The following LMBR1L variants were observed in gnomAD, a reference collection of about 807,000 sequenced individuals.
The protein encoded by LMBR1L is protein LMBR1L.
Under a neutral mutation model 67.3 loss-of-function variants are expected in LMBR1L, and 47 were observed. The ratio of observed to expected loss-of-function variants is 0.70; its 90% confidence interval spans 0.55 to 0.89. The LOEUF is 0.89. Ranked by LOEUF, LMBR1L falls within the 40% of genes least tolerant of loss-of-function variation. LMBR1L has a pLI of 0.00. For synonymous variants in LMBR1L, 247 were observed against 250.3 expected, an observed-to-expected ratio of 0.99 and a Z score of 0.13; for missense variants, 533 against 599.2, an observed-to-expected ratio of 0.89 and a Z score of 1.15.
At chr12:49,109,198 C>G (rs764368820) in intron 1 of LMBR1L, among the ~76,000 whole-genome samples, 4 of 152,136 alleles carry the variant, frequency 2.6e-5, no homozygotes, top group Admixed American at 1.3e-4. Flanking sequence ...GCTCATGGGA[C>G]TAAAGGATTA....
rs541298805 is a variant in LMBR1L, at chr12:49,100,396, C to G, written c.1232G>C (p.Arg411Pro). The G allele has an allele frequency of 6.2e-7, 1 of 1,612,896 alleles. No homozygotes were observed. The highest frequency in any genetic ancestry group is 8.5e-7 in the Non-Finnish European group (1 of 1,178,972). ...VLSSALPVFS[R>P]TLGLTRFDLL... Reference sequence around the variant, plus strand: ...CTCCTTTCAATACTTACCCAGGGTTCGAGAGAAGACAGGAAGTGCTGAGCT... The same window carrying G: ...CTCCTTTCAATACTTACCCAGGGTTGGAGAGAAGACAGGAAGTGCTGAGCT... Residue 411 changes from arginine to proline, a missense_variant, in exon 15 of 17, where the codon CGA (arginine) becomes CCA (proline). Arg to Pro is a moderately radical substitution (Grantham distance 103). This residue lies in a region of LMBR1L where 223 missense variants were observed against 241.2 expected (regional missense o/e 0.92). Coordinates refer to ENST00000267102, the MANE Select transcript of LMBR1L (RefSeq NM_018113.4).
chr12:49,106,776 C>T, intron 2 of LMBR1L, 185 bp downstream of exon 2: 1 of 832,002 alleles, frequency 1.2e-6, no homozygotes, highest in Non-Finnish European at 2.0e-6. Context: ...TATGACTTGC[C>T]CAGCAGACAC....
chr12:49,108,708 T>TG (rs1941212849), intron 1 of LMBR1L, among the ~76,000 whole-genome samples: 2 of 152,078 alleles, frequency 1.3e-5, no homozygotes, highest in African/African-American at 4.8e-5. Context: ...CACTCCAGCC[T>TG]GGGCGACAGA....
In LMBR1L at chr12:49,097,711, G is replaced by A. The variant is rs544910447; in HGVS notation, c.1431C>T (p.Ser477=). 1.5e-5 allele frequency: 25 copies of A among 1,613,938 alleles called. No individual in the cohort carries two copies. Among genetic ancestry groups the A allele is most frequent in the South Asian group, 9.9e-5 (9 of 91,064 alleles). The change falls in exon 17 of 17, where the codon TCC becomes TCT. Residue 477 remains serine, a synonymous_variant. Coordinates refer to ENST00000267102, the MANE Select transcript of LMBR1L (RefSeq NM_018113.4). ...FGLDRLPLPV[S]GFPQASRKTQ... Reference sequence around the variant, plus strand: ...TCTTCCTAGATGCCTGGGGGAAACCGGAGACGGGCAGCGGCAGTCTGTCCA... The same window carrying A: ...TCTTCCTAGATGCCTGGGGGAAACCAGAGACGGGCAGCGGCAGTCTGTCCA...
At position 49,104,469 on chromosome 12, in the gene LMBR1L, C is replaced by T. The variant is rs148939120; in HGVS notation, c.414G>A (p.Glu138=). 6.2e-7 allele frequency: 1 copy of T among 1,613,354 alleles called. No homozygotes were observed. Among genetic ancestry groups the T allele is most frequent in the African/African-American group, 1.3e-5 (1 of 75,020 alleles). The change falls in exon 5 of 17, where the codon GAG becomes GAA. Residue 138 remains glutamate, a synonymous_variant. Coordinates refer to ENST00000267102, the MANE Select transcript of LMBR1L (RefSeq NM_018113.4). ...TTACCTTTCTGGAGCCAGCAAAGCCCTCAGACTCAGTGAAGAAATATGCAA... is the reference window on the plus strand; with the variant it reads ...TTACCTTTCTGGAGCCAGCAAAGCCTTCAGACTCAGTGAAGAAATATGCAA... ...MPFAYFFTES[E]GFAGSRKGVL...
At chr12:49,101,618 G>T in intron 11 of LMBR1L, 69 bp from the exon 12 acceptor site, 2 of 1,136,346 alleles carry the variant, frequency 1.8e-6, no homozygotes, top group Non-Finnish European at 2.6e-6. Flanking sequence ...AAAGGAATGG[G>T]CAGACTCTGG....
intron 5 of LMBR1L, 132 bp downstream of exon 5, chr12:49,104,316 C>T: frequency 1.4e-6 from 1 of 731,486 alleles, no homozygotes; most frequent in Non-Finnish European, 2.4e-6. Flanking sequence ...GTGGTAATGA[C>T]TTCCTACTGT....
chr12:49,106,207 C>T (rs1647570876), intron 2 of LMBR1L: 1 of 547,920 alleles, frequency 1.8e-6, no homozygotes, highest in African/African-American at 1.9e-5. Flanking sequence ...TTTACTCCTC[C>T]CTAGATCTCT....
rs946659716 is a variant in LMBR1L at position 49,102,380 on chromosome 12, A to C, written c.770-4T>G. 2 of 1,614,022 alleles carry C rather than the reference A, an allele frequency of 1.2e-6. No homozygotes were observed. The highest frequency in any genetic ancestry group is 2.7e-5 in the African/African-American group (2 of 74,920). ...GGCAGCCAGCAGGAAGTAGGATCTG[A>C]GGGCAGAGAAGATGGTGTTGCTCTC... is the stretch of plus-strand genomic sequence containing the variant. On this transcript the variant is annotated splice_region_variant and splice_polypyrimidine_tract_variant and intron_variant, in intron 9 of 16. Coordinates refer to ENST00000267102, the MANE Select transcript of LMBR1L (RefSeq NM_018113.4).
chr12:49,099,090 C>T (rs1414543568), intron 15 of LMBR1L, among the ~76,000 whole-genome samples: 2 of 147,310 alleles, frequency 1.4e-5, no homozygotes, highest in Non-Finnish European at 1.5e-5. Flanking sequence ...GCTAGGATTA[C>T]AGGCGTGAAC....
At position 49,097,697 on chromosome 12, in the gene LMBR1L, G is replaced by A. The variant is rs1379624926; in HGVS notation, c.1445C>T (p.Ala482Val). The A allele has an allele frequency of 6.2e-7, 1 of 1,613,864 alleles. No individual in the cohort carries two copies. The highest frequency in any genetic ancestry group is 1.1e-5 in the South Asian group (1 of 91,058). Reference protein sequence around the residue: ...LPLPVSGFPQASRKTQHQ With the variant: ...LPLPVSGFPQVSRKTQHQ ...TCACTGGTGCTGGGTCTTCCTAGAT[G>A]CCTGGGGGAAACCGGAGACGGGCAG... The change falls in exon 17 of 17, where the codon GCA (alanine) becomes GTA (valine). Residue 482 changes from alanine (A) to valine (V), a missense_variant. Coordinates refer to ENST00000267102, the MANE Select transcript of LMBR1L (RefSeq NM_018113.4).
In LMBR1L at chr12:49,100,618, A is replaced by C. The variant is rs757123145; in HGVS notation, c.1111T>G (p.Phe371Val). Residue 371 changes from phenylalanine (F) to valine (V), a missense_variant, in exon 14 of 17, where the codon TTC (phenylalanine) becomes GTC (valine). Transcript: ENST00000267102. ...CTCCGGAAGAGTGGAGAGCTATAGA[A>C]GCCCACAACTGAGGACACCATTAGG... ...FYLMVSSVVG[F>V]YSSPLFRSLR... 8.7e-6 allele frequency: 14 copies of C among 1,614,014 alleles called. 1 individual carries two copies. In the Admixed American group the frequency reaches 2.2e-4, roughly 25 times the overall value.
intron 4 of LMBR1L, 55 bp downstream of exon 4, chr12:49,104,691 C>A (rs1565594611): frequency 6.2e-7 from 1 of 1,608,826 alleles, no homozygotes; most frequent in Admixed American, 1.7e-5. Context: ...CCACCCAACT[C>A]TATCTGCTCT....
In LMBR1L at chr12:49,104,730, TCCAGGAGCCACACA is replaced by T. The variant is rs1940674388; in HGVS notation, c.331+2_331+15del. 1 of 1,612,976 alleles carries T rather than the reference TCCAGGAGCCACACA, an allele frequency of 6.2e-7. No individual in the cohort carries two copies. The highest frequency in any genetic ancestry group is 1.1e-5 in the South Asian group (1 of 90,906). On this transcript the variant is annotated splice_donor_variant and splice_donor_5th_base_variant and intron_variant, in intron 4 of 16. Coordinates refer to ENST00000267102, the MANE Select transcript of LMBR1L (RefSeq NM_018113.4). LOFTEE classifies it high-confidence loss of function. Reference sequence around the variant, plus strand: ...CTCCCTATCCCTACCCCAAGCAGCTTCCAGGAGCCACACACCATGGATGAGGGAGCCGTTGAGCC... The same window carrying T: ...CTCCCTATCCCTACCCCAAGCAGCTTCCATGGATGAGGGAGCCGTTGAGCC...
Position 49,104,783 on chromosome 12 carries a change from G to C in LMBR1L, c.294C>G (p.Asn98Lys). 3 of 1,613,844 alleles carry C rather than the reference G, an allele frequency of 1.9e-6. No individual in the cohort carries two copies. Among genetic ancestry groups the C allele is most frequent in the Non-Finnish European group, 2.5e-6 (3 of 1,179,914 alleles). ...SNEVLLSLPR[N>K]YYIQWLNGSL... ...AGCCGTTGAGCCACTGGATGTAGTA[G>C]TTCCGAGGCAGGGAGAGCAGCACCT... Residue 98 changes from asparagine to lysine, a missense_variant, in exon 4 of 17, where the codon AAC (asparagine) becomes AAG (lysine). Transcript: ENST00000267102.
intron 3 of LMBR1L, 124 bp from the exon 4 acceptor site, chr12:49,105,009 A>C: frequency 9.2e-7 from 1 of 1,090,598 alleles, no homozygotes; most frequent in Non-Finnish European, 1.3e-6. Context: ...CACAGAGCTA[A>C]GGAAGGAGCT....
Position 49,097,653 on chromosome 12 carries a change from T to A in LMBR1L, c.*19A>T. On this transcript the variant is annotated 3_prime_UTR_variant, in exon 17 of 17. Coordinates refer to ENST00000267102, the MANE Select transcript of LMBR1L (RefSeq NM_018113.4). Reference sequence around the variant, plus strand: ...AGATGGCAGTGTCCAGTTTTTTCCTTCCCACCCCCAGCTGGAGGTCACTGG... The same window carrying A: ...AGATGGCAGTGTCCAGTTTTTTCCTACCCACCCCCAGCTGGAGGTCACTGG... 1 of 1,612,312 alleles carries A rather than the reference T, an allele frequency of 6.2e-7. No homozygotes were observed. Among genetic ancestry groups the A allele is most frequent in the Non-Finnish European group, 8.5e-7 (1 of 1,179,586 alleles).
At chr12:49,106,538 C>T in intron 2 of LMBR1L, 4 of 1,302,936 alleles carry the variant, frequency 3.1e-6, no homozygotes, top group Non-Finnish European at 4.1e-6. Flanking sequence ...AGAAAGGCCA[C>T]CATCACCAGG....
intron 14 of LMBR1L, 23 bp downstream of exon 14, chr12:49,100,533 T>C: frequency 6.2e-7 from 1 of 1,611,288 alleles, no homozygotes; most frequent in Non-Finnish European, 8.5e-7. Context: ...CCCCGGGAGC[T>C]TCCCTTACTC....
Sources: gnomAD v4.1 joint callset for allele counts (sites outside exome capture counted in the v4.1 genomes callset) on GRCh38, gnomAD v4.1.1 for gene constraint, gnomAD v4.1.1 regional missense constraint, MANE v1.5 for transcripts, NCBI Gene and HGNC (gene_info 2026-07-23, HGNC 2026-07-21) for gene names.